The following PDE4D variants were observed in gnomAD, a reference collection of about 807,000 sequenced individuals.
The protein encoded by PDE4D is 3',5'-cyclic-AMP phosphodiesterase 4D.
PDE4D carries 24 observed loss-of-function variants against 87.4 expected under a neutral mutation model. That is an observed-to-expected ratio of 0.27 (90% confidence interval 0.20 to 0.39). The LOEUF is 0.39. Ranked by LOEUF, PDE4D falls within the 10% of genes least tolerant of loss-of-function variation. PDE4D has a pLI of 1.00. For synonymous variants in PDE4D, 384 were observed against 383.2 expected (o/e 1.00, Z -0.02); for missense variants, 714 against 1,041.0 (o/e 0.69, Z 4.32).
rs965894152 is a variant in PDE4D at position 59,120,987 on chromosome 5, G to T, written c.808+59608C>A. Among the ~76,000 whole-genome samples the T allele has an allele frequency of 2.0e-5, 3 of 152,258 alleles. No homozygotes were observed. In the East Asian group the frequency reaches 5.8e-4, roughly 29 times the overall value. On this transcript the variant is annotated intron_variant, in intron 5 of 14. Transcript: ENST00000340635. ...GGGAAAGGAGATCTCTTCAATAAAT[G>T]ATGCTGGAAAAACTGGACACCCATA...
intron 1 of PDE4D, among the ~76,000 whole-genome samples, chr5:59,610,754 G>A (rs531051629): frequency 4.0e-4 from 61 of 152,202 alleles, no homozygotes; most frequent in Middle Eastern, 3.4e-3. Flanking sequence ...TAAACGAGGG[G>A]GAAAAGGAGA....
At chr5:60,346,198 T>G (rs1758734931) in intron 1 of PDE4D, among the ~76,000 whole-genome samples, 1 of 152,158 alleles carries the variant, frequency 6.6e-6, no homozygotes, top group South Asian at 2.1e-4. Context: ...TAATGATGAA[T>G]AAGTTTTTCG....
chr5:59,445,514 C>T (rs960127969), intron 1 of PDE4D, among the ~76,000 whole-genome samples: 3 of 152,090 alleles, frequency 2.0e-5, no homozygotes, highest in East Asian at 3.8e-4. Flanking sequence ...TAAAGAAAGT[C>T]GATTATTTAA....
At chr5:59,614,767 G>A (rs1034825163) in intron 1 of PDE4D, among the ~76,000 whole-genome samples, 2 of 151,782 alleles carry the variant, frequency 1.3e-5, no homozygotes, top group Non-Finnish European at 2.9e-5. Context: ...GCATTTATCT[G>A]TAAATTGATA....
intron 1 of PDE4D, among the ~76,000 whole-genome samples, chr5:59,631,774 T>C (rs1831601054): frequency 6.6e-6 from 1 of 152,208 alleles, no homozygotes; most frequent in Non-Finnish European, 1.5e-5. Context: ...TTCTCTTGGG[T>C]GCCTATACCA....
In PDE4D at chr5:58,975,852, G is replaced by A; in HGVS notation, c.1831-13C>T. ...TATTCTGAAGAACCTAAAATAGATG[G>A]ATGCATTCTCTATTCACTCCTGTTC... On this transcript the variant is annotated splice_polypyrimidine_tract_variant and intron_variant, in intron 13 of 14. Transcript: ENST00000340635. The surrounding 1 kb of genome is among the most constrained non-coding windows in gnomAD (Gnocchi z 4.2). 4 of 1,419,980 alleles carry A rather than the reference G, an allele frequency of 2.8e-6. No homozygotes were observed. The highest frequency in any genetic ancestry group is 3.5e-5 in the South Asian group (2 of 57,960). 88.0% of individuals were successfully genotyped at this position (1,419,980 alleles called of 1,614,324 possible).
At chr5:59,499,359 A>C (rs891643266) in intron 1 of PDE4D, among the ~76,000 whole-genome samples, 6 of 151,440 alleles carry the variant, frequency 4.0e-5, no homozygotes, top group Non-Finnish European at 5.9e-5. Flanking sequence ...AAAAAAAAAA[A>C]AAAACAGAAA....
intron 5 of PDE4D, among the ~76,000 whole-genome samples, chr5:59,044,155 A>G (rs1378868606): frequency 1.3e-5 from 2 of 152,104 alleles, no homozygotes; most frequent in Non-Finnish European, 2.9e-5. Flanking sequence ...TGGTTGAACT[A>G]GTTTACAGTC....
intron 5 of PDE4D, among the ~76,000 whole-genome samples, chr5:59,084,409 ATATATT>A (rs1441246145): frequency 6.6e-6 from 1 of 151,956 alleles, no homozygotes; most frequent in Non-Finnish European, 1.5e-5. Context: ...GATTTATAAA[ATATATT>A]TATATAGAGA....
intron 1 of PDE4D, among the ~76,000 whole-genome samples, chr5:60,471,654 G>T (rs1747818869): frequency 6.6e-6 from 1 of 152,076 alleles, no homozygotes; most frequent in Admixed American, 6.5e-5. Flanking sequence ...CTCTCCACCA[G>T]CAAAAAAATT....
intron 1 of PDE4D, among the ~76,000 whole-genome samples, chr5:59,882,247 A>G (rs975175661): frequency 1.3e-5 from 2 of 152,178 alleles, no homozygotes; most frequent in Non-Finnish European, 2.9e-5. Context: ...AGCTGCCGTG[A>G]TGAGTAACCA....
chr5:59,985,362 TG>T (rs1762354006), intron 3 of PDE4D, among the ~76,000 whole-genome samples: 2 of 151,700 alleles, frequency 1.3e-5, no homozygotes, highest in African/African-American at 4.8e-5. Context: ...AGGATGGTCT[TG>T]ATCTCCTCAC....
At chr5:59,790,287 C>T (rs914420333) in intron 1 of PDE4D, among the ~76,000 whole-genome samples, 2 of 152,190 alleles carry the variant, frequency 1.3e-5, no homozygotes, top group African/African-American at 4.8e-5. Flanking sequence ...AGAAGCCACT[C>T]ACTCTTATTT....
chr5:59,984,153 A>G (rs1341966264), intron 3 of PDE4D, among the ~76,000 whole-genome samples: 1 of 152,226 alleles, frequency 6.6e-6, no homozygotes, highest in African/African-American at 2.4e-5. Flanking sequence ...GTTGAGAAAT[A>G]GGATGGTGAT....
intron 1 of PDE4D, among the ~76,000 whole-genome samples, chr5:60,375,110 G>C (rs903230646): frequency 1.4e-4 from 22 of 152,120 alleles, no homozygotes; most frequent in Admixed American, 1.1e-3. Flanking sequence ...TCTTTAATCA[G>C]AGTCTTGTTC....
At chr5:60,038,546 A>C (rs2152865666) in intron 2 of PDE4D, among the ~76,000 whole-genome samples, 1 of 152,190 alleles carries the variant, frequency 6.6e-6, no homozygotes, top group Non-Finnish European at 1.5e-5. Context: ...TATAGTTTGA[A>C]GTCAGGTAGT....
chr5:60,343,893 T>G lies in PDE4D; in HGVS notation c.-90+144049A>C, dbSNP rs141147548. Among the ~76,000 whole-genome samples, 514 of 152,264 alleles carry G rather than the reference T, an allele frequency of 3.4e-3. 1 individual carries two copies. Among genetic ancestry groups the G allele is most frequent in the African/African-American group, 0.012 (482 of 41,552 alleles). On this transcript the variant is annotated intron_variant, in intron 1 of 16. Coordinates refer to the PDE4D transcript ENST00000502484. ...ATATTCGGGTTGTTTAATGACCCCA[T>G]TTGGCTTTTCAGCTCTTCCCTCAGC...
At chr5:59,349,374 G>A (rs768777641) in intron 1 of PDE4D, among the ~76,000 whole-genome samples, 9 of 152,048 alleles carry the variant, frequency 5.9e-5, no homozygotes, top group African/African-American at 2.2e-4. Context: ...TCCAGAACAA[G>A]GAGTACCAAG....
intron 1 of PDE4D, among the ~76,000 whole-genome samples, chr5:59,323,168 G>A (rs186884765): frequency 1.3e-5 from 2 of 151,860 alleles, no homozygotes; most frequent in African/African-American, 2.4e-5. Context: ...CTCCACCCTC[G>A]ACAATTCCCA....
Sources: gnomAD v4.1 joint callset for allele counts (sites outside exome capture counted in the v4.1 genomes callset) on GRCh38, gnomAD v4.1.1 for gene constraint, Gnocchi (gnomAD v3.1) non-coding constraint, MANE v1.5 for transcripts, NCBI Gene and HGNC (gene_info 2026-07-23, HGNC 2026-07-21) for gene names.